Variants in GRAMD1B observed in about 807,000 individuals in gnomAD.
The protein encoded by GRAMD1B is protein Aster-B.
A neutral mutation model predicts 99.7 loss-of-function variants in GRAMD1B; 37 were observed. That is an observed-to-expected ratio of 0.37 (90% CI 0.29 to 0.49). GRAMD1B has a LOEUF of 0.49. Among genes scored for constraint, GRAMD1B ranks in the 20% least tolerant of loss-of-function variants. The probability of loss-of-function intolerance (pLI) is 0.98; values close to 1 mark genes in which losing one functional copy is unlikely to be tolerated. For synonymous variants in GRAMD1B, 427 were observed against 387.6 expected (o/e 1.10, Z -1.19); for missense variants, 888 against 1,009.2 (o/e 0.88, Z 1.63).
intron 1 of GRAMD1B, among the ~76,000 whole-genome samples, chr11:123,463,943 G>C (rs572267745): frequency 2.6e-5 from 4 of 152,234 alleles, no homozygotes; most frequent in African/African-American, 9.6e-5. Flanking sequence ...AGAAAACTTT[G>C]GACTGTATTC....
rs1951631503 is a variant in GRAMD1B, at chr11:123,599,037, T to G, written c.970-1431T>G. The G allele has an allele frequency of 1.7e-5, 19 of 1,095,988 alleles. No individual in the cohort carries two copies. In the South Asian group the frequency reaches 2.2e-4, roughly 13 times the overall value. The allele number at this position is 1,095,988 out of a possible 1,614,324, so 67.9% of individuals were successfully genotyped here. A position where few individuals can be genotyped will look rare whatever the true frequency, so the allele number is the denominator to read the frequency against. Reference sequence around the variant, plus strand: ...GAGGCAACAGTCATGGAGATCGAGGTAACGACCATATCCCTCTTCATCTGT... The same window carrying G: ...GAGGCAACAGTCATGGAGATCGAGGGAACGACCATATCCCTCTTCATCTGT... On this transcript the variant is annotated intron_variant, in intron 7 of 19. Transcript: ENST00000635736.
intron 2 of GRAMD1B, among the ~76,000 whole-genome samples, chr11:123,505,181 T>A (rs1940291913): frequency 7.7e-6 from 1 of 130,276 alleles, no homozygotes; most frequent in Non-Finnish European, 1.6e-5. Context: ...TCTCTTTCAA[T>A]GTCTTTAAAA....
chr11:123,543,745 T>C (rs1355857841), intron 2 of GRAMD1B, among the ~76,000 whole-genome samples: 1 of 152,206 alleles, frequency 6.6e-6, no homozygotes, highest in Non-Finnish European at 1.5e-5. Flanking sequence ...CGCAGAAGAA[T>C]TCGCCATTTC....
chr11:123,368,400 G>A (rs1255589746), intron 1 of GRAMD1B, among the ~76,000 whole-genome samples: 1 of 151,760 alleles, frequency 6.6e-6, no homozygotes, highest in Non-Finnish European at 1.5e-5. Context: ...GATAAGTTAA[G>A]GCTGGAACAG....
At chr11:123,556,242 A>G (rs764800896) in intron 2 of GRAMD1B, among the ~76,000 whole-genome samples, 2 of 152,232 alleles carry the variant, frequency 1.3e-5, no homozygotes, top group Admixed American at 6.5e-5. Flanking sequence ...ATCATTCTCC[A>G]TGATTCAACA....
intron 1 of GRAMD1B, among the ~76,000 whole-genome samples, chr11:123,407,259 T>G (rs1483209460): frequency 1.1e-5 from 1 of 94,172 alleles, no homozygotes; most frequent in East Asian, 3.3e-4. Flanking sequence ...AAATTATTAC[T>G]TCCTTTGAAT....
chr11:123,574,562 T>C (rs1948509288), intron 2 of GRAMD1B, among the ~76,000 whole-genome samples: 1 of 152,150 alleles, frequency 6.6e-6, no homozygotes, highest in Non-Finnish European at 1.5e-5. Flanking sequence ...TGGAATTCAG[T>C]GACTCATTTT....
intron 1 of GRAMD1B, among the ~76,000 whole-genome samples, chr11:123,408,389 G>C (rs1179997084): frequency 6.6e-6 from 1 of 152,166 alleles, no homozygotes; most frequent in African/African-American, 2.4e-5. Flanking sequence ...CCCTCACCCT[G>C]CATTGTTCTT....
chr11:123,479,171 G>A (rs1212500832), intron 1 of GRAMD1B, among the ~76,000 whole-genome samples: 1 of 152,196 alleles, frequency 6.6e-6, no homozygotes, highest in Non-Finnish European at 1.5e-5. Context: ...CCGAGCAGCC[G>A]GAGGCTTTGT....
intron 1 of GRAMD1B, among the ~76,000 whole-genome samples, chr11:123,417,949 G>C (rs1948289231): frequency 6.6e-6 from 1 of 151,974 alleles, no homozygotes; most frequent in Non-Finnish European, 1.5e-5. Flanking sequence ...ATTTTTTGTA[G>C]AGATCAGGTC....
Position 123,405,192 on chromosome 11 carries a change from ATGTGTG to A in GRAMD1B, c.-176+46416_-176+46421del, listed in dbSNP as rs145624429. The stretch of plus-strand genomic sequence containing the variant: ...GAGAGTATGTTGTAATCATGTGTGC[ATGTGTG>A]TGTGTGTGTGTGTGTGTGTGTGAAA... On this transcript the variant is annotated intron_variant, in intron 1 of 20. Transcript: ENST00000638157. 7.9e-3 allele frequency among the ~76,000 whole-genome samples: 1,168 copies of A among 147,932 alleles called. 21 individuals carry two copies. The highest frequency in any genetic ancestry group is 0.027 in the African/African-American group (1,091 of 40,424).
At chr11:123,579,142 A>G (rs887197674) in intron 3 of GRAMD1B, among the ~76,000 whole-genome samples, 4 of 152,250 alleles carry the variant, frequency 2.6e-5, no homozygotes. Flanking sequence ...AGATGTGGCC[A>G]GTGCCAGAGT....
chr11:123,525,292 G>A (rs986018764), intron 2 of GRAMD1B, among the ~76,000 whole-genome samples: 10 of 152,194 alleles, frequency 6.6e-5, no homozygotes, highest in African/African-American at 1.4e-4. Context: ...TGCTTGCCCC[G>A]CCTTGCGGGG....
chr11:123,548,311 T>TACAC (rs1249243804), intron 2 of GRAMD1B, among the ~76,000 whole-genome samples: 1 of 84,336 alleles, frequency 1.2e-5, no homozygotes, highest in East Asian at 3.5e-4. Context: ...TATATATATA[T>TACAC]ATATATATAT....
intron 9 of GRAMD1B, 80 bp downstream of exon 9, chr11:123,603,621 C>A: frequency 1.2e-6 from 1 of 808,030 alleles, no homozygotes. Context: ...GAGGGAACAG[C>A]ACACATGCCT....
chr11:123,461,804 C>T (rs1950426314), intron 1 of GRAMD1B, among the ~76,000 whole-genome samples: 1 of 151,808 alleles, frequency 6.6e-6, no homozygotes, highest in African/African-American at 2.4e-5. Flanking sequence ...GGGGGTTTCA[C>T]CATGTTGGCC....
At chr11:123,609,993 G>C (rs1953320086) in intron 13 of GRAMD1B, 80 bp downstream of exon 13, 2 of 945,296 alleles carry the variant, frequency 2.1e-6, no homozygotes, top group Admixed American at 4.2e-5. Flanking sequence ...GCAGATGTCA[G>C]GAAGAAGTTT....
chr11:123,431,826 A>C (rs1264034003), intron 1 of GRAMD1B, among the ~76,000 whole-genome samples: 1 of 152,162 alleles, frequency 6.6e-6, no homozygotes, highest in African/African-American at 2.4e-5. Flanking sequence ...CATCTGGGTA[A>C]TGGGAGAAGG....
At chr11:123,548,323 T>TACACAC (rs1288714416) in intron 2 of GRAMD1B, among the ~76,000 whole-genome samples, 6 of 100,520 alleles carry the variant, frequency 6.0e-5, no homozygotes, top group African/African-American at 9.1e-5. Context: ...TATATATATA[T>TACACAC]ATACACACAC....
Sources: gnomAD v4.1 joint callset for allele counts (sites outside exome capture counted in the v4.1 genomes callset) on GRCh38, gnomAD v4.1.1 for gene constraint, MANE v1.5 for transcripts, NCBI Gene and HGNC (gene_info 2026-07-23, HGNC 2026-07-21) for gene names.